Variants in NXPH1 observed in about 807,000 individuals in gnomAD.
NXPH1 encodes neurexophilin-1.
In NXPH1, 5 loss-of-function variants were observed where a neutral mutation model predicts 23.7. That is an observed-to-expected ratio of 0.21 (90% CI 0.11 to 0.44). The LOEUF is 0.44. Ranked by LOEUF, NXPH1 falls within the 20% of genes least tolerant of loss-of-function variation. The pLI is 0.99. For synonymous variants in NXPH1, 144 were observed against 122.2 expected (o/e 1.18, Z -1.18); for missense variants, 324 against 321.6 (o/e 1.01, Z -0.06).
At chr7:8,474,811 G>C (rs994593026) in intron 2 of NXPH1, among the ~76,000 whole-genome samples, 3 of 151,868 alleles carry the variant, frequency 2.0e-5, no homozygotes, top group African/African-American at 7.3e-5. Flanking sequence ...TCCATCTCTA[G>C]TACATTATCC....
chr7:8,674,647 A>G (rs75233076), intron 2 of NXPH1, among the ~76,000 whole-genome samples: 5 of 152,186 alleles, frequency 3.3e-5, no homozygotes, highest in Non-Finnish European at 7.4e-5. Context: ...AGCATGGAAG[A>G]TGCTGATCAA....
chr7:8,631,237 T>C (rs187968225), intron 2 of NXPH1, among the ~76,000 whole-genome samples: 16 of 152,304 alleles, frequency 1.1e-4, no homozygotes, highest in Non-Finnish European at 2.4e-4. Context: ...GTAATAAACA[T>C]ACATGTGCAT....
chr7:8,607,387 C>G (rs1272588221), intron 2 of NXPH1, among the ~76,000 whole-genome samples: 1 of 152,148 alleles, frequency 6.6e-6, no homozygotes, highest in East Asian at 1.9e-4. Flanking sequence ...CGATACAGTA[C>G]TCACTAACTA....
chr7:8,595,530 T>C (rs1819203078), intron 2 of NXPH1, among the ~76,000 whole-genome samples: 1 of 152,082 alleles, frequency 6.6e-6, no homozygotes, highest in Non-Finnish European at 1.5e-5. Flanking sequence ...CCTTAAACAT[T>C]GTAAGTATGA....
At chr7:8,548,718 C>A (rs1045058407) in intron 2 of NXPH1, among the ~76,000 whole-genome samples, 2 of 151,500 alleles carry the variant, frequency 1.3e-5, no homozygotes, top group Non-Finnish European at 3.0e-5. Context: ...ACTATGGGAC[C>A]TGTGCTCATT....
chr7:8,742,595 A>C (rs1780386292), intron 2 of NXPH1, among the ~76,000 whole-genome samples: 1 of 118,322 alleles, frequency 8.5e-6, no homozygotes, highest in South Asian at 2.9e-4. Context: ...AATGTAATTT[A>C]TAAAATAGAC....
chr7:8,496,077 T>G (rs77174636), intron 2 of NXPH1, among the ~76,000 whole-genome samples: 4,054 of 152,046 alleles, frequency 0.027, 194 homozygotes, highest in African/African-American at 0.092. Context: ...TGAAGTTATA[T>G]CAAATGAGTG....
intron 2 of NXPH1, among the ~76,000 whole-genome samples, chr7:8,499,426 C>T (rs540574372): frequency 6.8e-4 from 104 of 152,118 alleles, no homozygotes; most frequent in Middle Eastern, 3.4e-3. Context: ...CTGATACAAA[C>T]AGCAGAGATC....
intron 2 of NXPH1, among the ~76,000 whole-genome samples, chr7:8,713,195 A>G (rs2115199332): frequency 6.6e-6 from 1 of 152,004 alleles, no homozygotes; most frequent in East Asian, 1.9e-4. Flanking sequence ...AAGCTCACCA[A>G]TCCTTTATTC....
intron 2 of NXPH1, among the ~76,000 whole-genome samples, chr7:8,703,326 T>C (rs1779656271): frequency 6.6e-6 from 1 of 152,130 alleles, no homozygotes. Flanking sequence ...TACTTTAGTG[T>C]TCCATTCATG....
chr7:8,669,765 C>T (rs959442564), intron 2 of NXPH1, among the ~76,000 whole-genome samples: 2 of 152,156 alleles, frequency 1.3e-5, no homozygotes, highest in Admixed American at 1.3e-4. Flanking sequence ...CCATGCTGTG[C>T]TGCAGGGGAA....
chr7:8,613,036 A>G (rs1319536012), intron 2 of NXPH1, among the ~76,000 whole-genome samples: 1 of 152,022 alleles, frequency 6.6e-6, no homozygotes, highest in African/African-American at 2.4e-5. Flanking sequence ...TTGCCAAACT[A>G]TAGGGATATG....
At chr7:8,700,460 A>C (rs983869802) in intron 2 of NXPH1, among the ~76,000 whole-genome samples, 3 of 152,038 alleles carry the variant, frequency 2.0e-5, no homozygotes, top group African/African-American at 7.2e-5. Flanking sequence ...CATTACTTTT[A>C]TAAGTTCTGT....
At chr7:8,686,073 A>T (rs990687399) in intron 2 of NXPH1, among the ~76,000 whole-genome samples, 2 of 152,154 alleles carry the variant, frequency 1.3e-5, no homozygotes, top group African/African-American at 4.8e-5. Context: ...AAATTAATTT[A>T]AAAATGAAAA....
chr7:8,694,923 G>C (rs1354161786), intron 2 of NXPH1, among the ~76,000 whole-genome samples: 1 of 152,124 alleles, frequency 6.6e-6, no homozygotes, highest in Non-Finnish European at 1.5e-5. Flanking sequence ...GGATTCTGTG[G>C]ATAATTCAGT....
At chr7:8,598,912 C>T (rs142076089) in intron 2 of NXPH1, among the ~76,000 whole-genome samples, 30 of 152,192 alleles carry the variant, frequency 2.0e-4, no homozygotes, top group African/African-American at 7.2e-4. Context: ...ATGTCTGTAG[C>T]AATGCAAAAT....
intron 2 of NXPH1, among the ~76,000 whole-genome samples, chr7:8,746,785 T>A (rs1487552823): frequency 6.6e-6 from 1 of 152,106 alleles, no homozygotes; most frequent in East Asian, 1.9e-4. Context: ...ATCTCTAGAA[T>A]TTATTTCAAC....
At chr7:8,632,669 G>T (rs1443575226) in intron 2 of NXPH1, among the ~76,000 whole-genome samples, 1 of 152,144 alleles carries the variant, frequency 6.6e-6, no homozygotes, top group Non-Finnish European at 1.5e-5. Flanking sequence ...TGTGTGGCTA[G>T]CTTTCTCCTT....
intron 2 of NXPH1, among the ~76,000 whole-genome samples, chr7:8,471,585 A>T (rs1457332486): frequency 6.6e-6 from 1 of 152,120 alleles, no homozygotes; most frequent in African/African-American, 2.4e-5. Context: ...AAAGATCTTG[A>T]CTTGGCATGG....
Sources: allele counts gnomAD v4.1 joint callset (sites outside exome capture counted in the v4.1 genomes callset), GRCh38; gene constraint gnomAD v4.1.1; transcripts MANE v1.5; gene names NCBI Gene and HGNC (gene_info 2026-07-23, HGNC 2026-07-21).